CNTLN: variants seen among roughly 807,000 people sequenced by gnomAD.
CNTLN encodes the protein centlein.
A neutral mutation model predicts 180.0 loss-of-function variants in CNTLN; 212 were observed. The ratio of observed to expected loss-of-function variants is 1.18; its 90% CI spans 1.05 to 1.32. The LOEUF (loss-of-function observed/expected upper bound fraction) is 1.32. Ranked by LOEUF, CNTLN falls within the 40% of genes most tolerant of loss-of-function variation. The pLI, the probability that CNTLN is intolerant of heterozygous loss-of-function variation, is 0.00. For synonymous variants in CNTLN, 722 were observed against 563.1 expected (o/e 1.28, Z -3.99); for missense variants, 2,095 against 1,610.9 (o/e 1.30, Z -5.14).
intron 25 of CNTLN, among the ~76,000 whole-genome samples, chr9:17,501,416 C>T (rs538293666): frequency 1.3e-5 from 2 of 152,318 alleles, no homozygotes; most frequent in African/African-American, 2.4e-5. Context: ...TTTTTGCCTG[C>T]CTGCTCTTTA....
rs139601378 is a variant in CNTLN, at chr9:17,334,628, G to A, written c.1644+1898G>A. Among the ~76,000 whole-genome samples the A allele has an allele frequency of 4.2e-3, 637 of 152,278 alleles. 4 individuals are homozygous for A. Among genetic ancestry groups the A allele is most frequent in the Middle Eastern group, 0.01 (3 of 294 alleles). On this transcript the variant is annotated intron_variant, in intron 10 of 25. Coordinates refer to ENST00000380647, the MANE Select transcript of CNTLN (RefSeq NM_017738.4). ...TCCTGTCCTTTGCAGCAACATGAGT[G>A]CAGCTGGAGGTCATTGTCCTATGTG...
intron 18 of CNTLN, among the ~76,000 whole-genome samples, chr9:17,442,401 A>C (rs1422863401): frequency 6.6e-6 from 1 of 152,118 alleles, no homozygotes; most frequent in Non-Finnish European, 1.5e-5. Flanking sequence ...AATTAAACAA[A>C]ACTTTCTCTG....
intron 13 of CNTLN, among the ~76,000 whole-genome samples, chr9:17,387,696 T>C (rs936629464): frequency 1.3e-5 from 2 of 151,938 alleles, no homozygotes; most frequent in African/African-American, 4.8e-5. Context: ...AAAAAAAGGT[T>C]GTGGTAGGGG....
intron 6 of CNTLN, among the ~76,000 whole-genome samples, chr9:17,293,580 G>A (rs1817566752): frequency 6.6e-6 from 1 of 152,230 alleles, no homozygotes. Context: ...GCCACTGTGA[G>A]TGCTGTGGGG....
intron 8 of CNTLN, among the ~76,000 whole-genome samples, chr9:17,325,131 A>G (rs1042955117): frequency 1.3e-5 from 2 of 149,744 alleles, no homozygotes; most frequent in Admixed American, 1.3e-4. Context: ...AATTTTTATT[A>G]TAACACTATT....
At chr9:17,344,730 T>G (rs1587717997) in intron 12 of CNTLN, among the ~76,000 whole-genome samples, 1 of 152,332 alleles carries the variant, frequency 6.6e-6, no homozygotes, top group East Asian at 1.9e-4. Context: ...CAAGTTTGTT[T>G]TGAGGACAGA....
At chr9:17,299,916 C>A in intron 7 of CNTLN, 1 of 438,306 alleles carries the variant, frequency 2.3e-6, no homozygotes, top group Non-Finnish European at 3.0e-6. Context: ...TTTAGCTGTC[C>A]CTTTTTAATT....
At chr9:17,279,904 A>T (rs1039771571) in intron 6 of CNTLN, among the ~76,000 whole-genome samples, 1 of 150,064 alleles carries the variant, frequency 6.7e-6, no homozygotes, top group Non-Finnish European at 1.5e-5. Flanking sequence ...ATGGGTTATT[A>T]TGGGAATGCG....
Position 17,135,139 on chromosome 9 carries a change from T to G in CNTLN, c.74T>G (p.Val25Gly). Residue 25 changes from valine to glycine, a missense_variant, in exon 1 of 26, where the codon GTT (valine) becomes GGT (glycine). Transcript: ENST00000380647. ...ARQLGPRSPR[V>G]GRGAEVHAMR... ...CAGCTGGGCCCCAGGTCCCCACGTGTTGGGCGGGGAGCTGAAGTACACGCA... is the reference window on the plus strand; with the variant it reads ...CAGCTGGGCCCCAGGTCCCCACGTGGTGGGCGGGGAGCTGAAGTACACGCA... 6.2e-7 allele frequency: 1 copy of G among 1,608,136 alleles called. No individual in the cohort carries two copies. The highest frequency in any genetic ancestry group is 8.5e-7 in the Non-Finnish European group (1 of 1,178,180).
chr9:17,146,816 C>T (rs1818489991), intron 2 of CNTLN, among the ~76,000 whole-genome samples: 1 of 151,712 alleles, frequency 6.6e-6, no homozygotes, highest in African/African-American at 2.4e-5. Context: ...TTAATTTTTT[C>T]CTTTTTCAAA....
intron 2 of CNTLN, among the ~76,000 whole-genome samples, chr9:17,162,900 A>C (rs1819780762): frequency 6.6e-6 from 1 of 152,152 alleles, no homozygotes; most frequent in Non-Finnish European, 1.5e-5. Context: ...TGTTAACTGT[A>C]TTTTTAGGCA....
At chr9:17,189,163 A>C (rs995519514) in intron 2 of CNTLN, among the ~76,000 whole-genome samples, 5 of 140,136 alleles carry the variant, frequency 3.6e-5, no homozygotes, top group Middle Eastern at 3.9e-3. Flanking sequence ...GCTCACTGCA[A>C]GCTCCGCCTC....
At position 17,484,299 on chromosome 9, in the gene CNTLN, T is replaced by C; in HGVS notation, c.3860T>C (p.Leu1287Ser). The C allele has an allele frequency of 6.3e-7, 1 of 1,593,608 alleles. No homozygotes were observed. The highest frequency in any genetic ancestry group is 8.5e-7 in the Non-Finnish European group (1 of 1,174,622). Residue 1287 changes from leucine (L) to serine (S), a missense_variant, in exon 24 of 26, where the codon TTG (leucine) becomes TCG (serine). Physicochemically the swap from Leu to Ser is moderately radical, Grantham distance 145 (BLOSUM62 -2). Coordinates refer to ENST00000380647, the MANE Select transcript of CNTLN (RefSeq NM_017738.4). Reference sequence around the variant, plus strand: ...TTTCTTTCCAATATGTTACAGGCTTTGGCCAAAGAGTTGCAAAATGATGTC... The same window carrying C: ...TTTCTTTCCAATATGTTACAGGCTTCGGCCAAAGAGTTGCAAAATGATGTC... Reference protein sequence around the residue: ...VEEFTTFVKALAKELQNDVHV... With the variant: ...VEEFTTFVKASAKELQNDVHV...
At chr9:17,177,685 C>T (rs1185810329) in intron 2 of CNTLN, among the ~76,000 whole-genome samples, 7 of 151,588 alleles carry the variant, frequency 4.6e-5, no homozygotes, top group South Asian at 2.1e-4. Flanking sequence ...CGGAGTTGTT[C>T]GTTCCTCCCA....
chr9:17,264,148 G>A (rs1203995826), intron 5 of CNTLN, among the ~76,000 whole-genome samples: 1 of 143,424 alleles, frequency 7.0e-6, no homozygotes, highest in Admixed American at 6.9e-5. Context: ...TATTGCCTAG[G>A]TTTTCTTCTA....
intron 18 of CNTLN, 38 bp downstream of exon 18, chr9:17,416,227 A>G (rs1354001673): frequency 6.8e-7 from 1 of 1,471,478 alleles, no homozygotes; most frequent in South Asian, 1.2e-5. Flanking sequence ...AGTATACTAT[A>G]TTGTAAAAGT....
At chr9:17,346,553 T>G (rs1400774844) in intron 12 of CNTLN, among the ~76,000 whole-genome samples, 1 of 152,208 alleles carries the variant, frequency 6.6e-6, no homozygotes, top group African/African-American at 2.4e-5. Context: ...AATTTGCTAC[T>G]TCCTTTTGGC....
intron 5 of CNTLN, among the ~76,000 whole-genome samples, chr9:17,266,655 A>G (rs1272590207): frequency 6.6e-6 from 1 of 152,048 alleles, no homozygotes; most frequent in African/African-American, 2.4e-5. Flanking sequence ...GTCTCCCATT[A>G]TTATTGTGTG....
At chr9:17,347,429 G>A (rs888338409) in intron 12 of CNTLN, among the ~76,000 whole-genome samples, 1 of 152,150 alleles carries the variant, frequency 6.6e-6, no homozygotes, top group African/African-American at 2.4e-5. Context: ...AGCACTTTGG[G>A]AGGCTTAGGC....
Sources: gnomAD v4.1 joint callset for allele counts (sites outside exome capture counted in the v4.1 genomes callset) on GRCh38, gnomAD v4.1.1 for gene constraint, MANE v1.5 for transcripts, NCBI Gene and HGNC (gene_info 2026-07-23, HGNC 2026-07-21) for gene names.